The following WDR27 variants were observed in gnomAD, a reference collection of about 807,000 sequenced individuals.
WDR27 encodes WD repeat-containing protein 27.
WDR27 carries 100 observed loss-of-function variants against 114.4 expected under a neutral mutation model. That is an observed-to-expected ratio of 0.87 (90% CI 0.74 to 1.03). WDR27 has a LOEUF of 1.03. Ranked by LOEUF, WDR27 falls within the 50% of genes least tolerant of loss-of-function variation. The probability of loss-of-function intolerance (pLI) is 0.00; values close to 1 mark genes in which losing one functional copy is unlikely to be tolerated. For synonymous variants in WDR27, 449 were observed against 423.1 expected, an observed-to-expected ratio of 1.06 and a Z score of -0.75; for missense variants, 1,129 against 1,092.9, an observed-to-expected ratio of 1.03 and a Z score of -0.47.
intron 21 of WDR27, among the ~76,000 whole-genome samples, chr6:169,630,689 T>C (rs1261264040): frequency 6.6e-6 from 1 of 151,624 alleles, no homozygotes; most frequent in Non-Finnish European, 1.5e-5. Context: ...AGGTCAGGAG[T>C]TCGAGACTAG....
At chr6:169,531,061 C>A (rs1795532912) in intron 25 of WDR27, among the ~76,000 whole-genome samples, 1 of 152,188 alleles carries the variant, frequency 6.6e-6, no homozygotes, top group Non-Finnish European at 1.5e-5. Flanking sequence ...AGATTAAGGT[C>A]CATGAAAACA....
intron 24 of WDR27, among the ~76,000 whole-genome samples, chr6:169,576,023 C>T (rs973006784): frequency 1.3e-5 from 2 of 151,440 alleles, no homozygotes; most frequent in Admixed American, 6.6e-5. Context: ...TGTCTGATAA[C>T]CATGACTGGA....
intron 17 of WDR27, among the ~76,000 whole-genome samples, chr6:169,642,472 G>A (rs895534466): frequency 8.5e-5 from 13 of 152,158 alleles, no homozygotes; most frequent in African/African-American, 2.4e-4. Flanking sequence ...GAAAGAGGCC[G>A]GCTCAGGGCT....
intron 2 of WDR27, among the ~76,000 whole-genome samples, chr6:169,685,627 A>C (rs1249101084): frequency 6.6e-6 from 1 of 152,212 alleles, no homozygotes; most frequent in South Asian, 2.1e-4. Context: ...TGAAGAAAGA[A>C]TTTCTGAACT....
the WDR27 span, among the ~76,000 whole-genome samples, chr6:169,442,730 T>A: frequency 4.6e-5 from 7 of 151,698 alleles, no homozygotes; most frequent in Non-Finnish European, 7.4e-5. Flanking sequence ...GAGTCTGGAG[T>A]GAGAATAGGT....
At chr6:169,583,476 TGTGTATATATAC>T (rs777401030) in intron 23 of WDR27, among the ~76,000 whole-genome samples, 4 of 14,838 alleles carry the variant, frequency 2.7e-4, no homozygotes, top group East Asian at 0.019. Context: ...TGTGTGTGTG[TGTGTATATATAC>T]ATATATATAT....
chr6:169,701,278 A>G lies in WDR27; in HGVS notation c.-8+273T>C, dbSNP rs1404463348. On this transcript the variant is annotated intron_variant, in intron 1 of 25. Coordinates refer to ENST00000448612, the MANE Select transcript of WDR27 (RefSeq NM_182552.5). ...ACTCCCTTCTGATTAGAAAAGATCGAAATTTTTCTCTTTTAGTGATAATCA... is the reference window on the plus strand; with the variant it reads ...ACTCCCTTCTGATTAGAAAAGATCGGAATTTTTCTCTTTTAGTGATAATCA... 2.0e-5 allele frequency among the ~76,000 whole-genome samples: 3 copies of G among 152,166 alleles called. No homozygotes were observed. The East Asian group carries it at 5.8e-4, about 29-fold the overall frequency.
At chr6:169,636,693 AATG>A (rs1375219344) in intron 18 of WDR27, among the ~76,000 whole-genome samples, 189 bp from the exon 19 acceptor site, 1 of 152,252 alleles carries the variant, frequency 6.6e-6, no homozygotes, top group African/African-American at 2.4e-5. Flanking sequence ...ATATGATTAA[AATG>A]TTACTGTAAT....
rs549205388 is a variant in WDR27, at chr6:169,548,003, G to A, written c.2645+24416C>T. The stretch of plus-strand genomic sequence containing the variant: ...TATACAAAAGTTAATCACTTTCAAG[G>A]TTAATACATAAAAGTTAATCACTTT... On this transcript the variant is annotated intron_variant, in intron 25 of 25. Coordinates refer to ENST00000448612, the MANE Select transcript of WDR27 (RefSeq NM_182552.5). Among the ~76,000 whole-genome samples the A allele has an allele frequency of 4.6e-5, 7 of 151,590 alleles. No individual in the cohort carries two copies. In the South Asian group the frequency reaches 1.2e-3, roughly 27 times the overall value.
intron 16 of WDR27, among the ~76,000 whole-genome samples, chr6:169,645,784 GAAGTCACACTGTA>G (rs1295095972): frequency 2.3e-4 from 30 of 133,282 alleles, no homozygotes; most frequent in African/African-American, 7.2e-4. Flanking sequence ...CTAGTTCACA[GAAGTCACACTGTA>G]GAAAAGCCTA....
chr6:169,481,503 T>G (rs1317846289), intron 25 of WDR27, among the ~76,000 whole-genome samples: 3 of 152,240 alleles, frequency 2.0e-5, no homozygotes, highest in Non-Finnish European at 4.4e-5. Flanking sequence ...CAATAAATCT[T>G]GCTGCTGCTC....
At chr6:169,603,838 G>A (rs771084206) in intron 22 of WDR27, among the ~76,000 whole-genome samples, 34 of 152,306 alleles carry the variant, frequency 2.2e-4, no homozygotes, top group African/African-American at 6.0e-4. Flanking sequence ...CTTACAGCAC[G>A]TGGCACATTA....
At chr6:169,620,454 C>T (rs755802298) in intron 21 of WDR27, among the ~76,000 whole-genome samples, 55 of 152,286 alleles carry the variant, frequency 3.6e-4, no homozygotes, top group Admixed American at 9.2e-4. Flanking sequence ...GCTTCCTCTC[C>T]CCTATTGTTT....
chr6:169,595,761 A>G (rs936661939), intron 23 of WDR27, among the ~76,000 whole-genome samples: 8 of 147,196 alleles, frequency 5.4e-5, no homozygotes, highest in African/African-American at 1.5e-4. Context: ...AACTTCTTCA[A>G]TCTTACCTTG....
chr6:169,620,442 T>A (rs1812837469), intron 21 of WDR27, among the ~76,000 whole-genome samples: 1 of 152,180 alleles, frequency 6.6e-6, no homozygotes, highest in Non-Finnish European at 1.5e-5. Context: ...GCGTATCTCA[T>A]TGCTTCCTCT....
chr6:169,542,942 G>GA lies in WDR27; in HGVS notation c.2645+29476dup, dbSNP rs1167542582. Among the ~76,000 whole-genome samples, 4 of 152,070 alleles carry GA rather than the reference G, an allele frequency of 2.6e-5. No individual in the cohort carries two copies. The East Asian group carries it at 7.7e-4, about 29-fold the overall frequency. On this transcript the variant is annotated intron_variant, in intron 25 of 25. Transcript: ENST00000448612. ...TAATCAAGATAAAAGTTATTATTGA[G>GA]AAAACGTATCTTTTGTACTATGGCT...
intron 25 of WDR27, among the ~76,000 whole-genome samples, chr6:169,472,272 A>T (rs1323472525): frequency 1.3e-5 from 2 of 152,228 alleles, no homozygotes; most frequent in Admixed American, 6.5e-5. Flanking sequence ...ACATACATAC[A>T]TAAAATGTCC....
At chr6:169,428,690 C>G in the WDR27 span, among the ~76,000 whole-genome samples, 1 of 152,130 alleles carries the variant, frequency 6.6e-6, no homozygotes, top group Non-Finnish European at 1.5e-5. Context: ...GGCAGCAGAG[C>G]CTGCAGTGAA....
chr6:169,666,354 A>G (rs1415303382), intron 6 of WDR27: 4 of 977,292 alleles, frequency 4.1e-6, no homozygotes, highest in South Asian at 9.5e-5. Context: ...AGATATAACA[A>G]TAACTCTACC....
Sources: gnomAD v4.1 joint callset for allele counts (sites outside exome capture counted in the v4.1 genomes callset) on GRCh38, gnomAD v4.1.1 for gene constraint, MANE v1.5 for transcripts, NCBI Gene and HGNC (gene_info 2026-07-23, HGNC 2026-07-21) for gene names.